TMEM232: variants seen among roughly 807,000 people sequenced by gnomAD.
TMEM232 encodes transmembrane protein 232.
TMEM232 carries 80 observed loss-of-function variants against 78.8 expected under a neutral mutation model. The observed-to-expected ratio is 1.01, with a 90% confidence interval of 0.85 to 1.22. The LOEUF is 1.22. Among genes scored for constraint, TMEM232 ranks in the 50% most tolerant of loss-of-function variants. The pLI, the probability that TMEM232 is intolerant of heterozygous loss-of-function variation, is 0.00. For missense variants in TMEM232, 881 were observed against 742.2 expected (o/e 1.19, Z -2.17); for synonymous variants, 297 against 254.3 (o/e 1.17, Z -1.60).
intron 1 of TMEM232, among the ~76,000 whole-genome samples, chr5:110,698,709 G>C (rs1345016643): frequency 6.6e-6 from 1 of 152,018 alleles, no homozygotes; most frequent in East Asian, 1.9e-4. Flanking sequence ...AAGAGGAGTA[G>C]TACATCATGT....
intron 11 of TMEM232, among the ~76,000 whole-genome samples, chr5:110,540,641 G>C (rs1256176139): frequency 6.6e-6 from 1 of 152,192 alleles, no homozygotes; most frequent in South Asian, 2.1e-4. Context: ...CAAATAGGGA[G>C]CACTGGAGCT....
intron 10 of TMEM232, among the ~76,000 whole-genome samples, chr5:110,576,605 G>A (rs2149711156): frequency 6.6e-6 from 1 of 152,102 alleles, no homozygotes. Context: ...GAACAAAGCT[G>A]GAGGCATTAA....
At chr5:110,598,464 G>T (rs572325208) in intron 10 of TMEM232, among the ~76,000 whole-genome samples, 1 of 152,116 alleles carries the variant, frequency 6.6e-6, no homozygotes, top group Admixed American at 6.5e-5. Context: ...GATTCCTCAG[G>T]GATCTAGAAC....
intron 2 of TMEM232, among the ~76,000 whole-genome samples, chr5:110,405,910 C>T (rs1283401354): frequency 6.6e-6 from 1 of 151,780 alleles, no homozygotes; most frequent in African/African-American, 2.4e-5. Flanking sequence ...ATTATCAATA[C>T]ATTGATCCAA....
At chr5:110,730,437 G>T (rs1426324765), upstream of TMEM232, among the ~76,000 whole-genome samples, 3 of 152,108 alleles carry the variant, frequency 2.0e-5, no homozygotes, top group African/African-American at 7.2e-5. Context: ...TTTTGCCATG[G>T]AGTGTATAAC....
chr5:110,524,376 AAAG>A (rs1241347519), intron 12 of TMEM232, among the ~76,000 whole-genome samples: 20 of 61,476 alleles, frequency 3.3e-4, no homozygotes, highest in Admixed American at 4.9e-4. Context: ...AGAAAGAAAG[AAAG>A]AAAGAAAGAA....
chr5:110,542,127 C>T lies in TMEM232; in HGVS notation c.1456-13292G>A, dbSNP rs189248158. Among the ~76,000 whole-genome samples the T allele has an allele frequency of 1.1e-3, 175 of 152,270 alleles. 1 individual carries two copies. Among genetic ancestry groups the T allele is most frequent in the African/African-American group, 3.9e-3 (162 of 41,570 alleles). ...TCCCATCAGCCACTACACCTGTGAA[C>T]TTGTGAAAGACCCGAAGTTCCTGTT... On this transcript the variant is annotated intron_variant, in intron 11 of 13. Coordinates refer to ENST00000455884, the MANE Select transcript of TMEM232 (RefSeq NM_001039763.4).
rs559446152 is a variant in TMEM232, at chr5:110,734,511, T to A, written c.-13+392A>T. Among the ~76,000 whole-genome samples the A allele has an allele frequency of 2.6e-5, 4 of 152,346 alleles. No individual in the cohort carries two copies. In the South Asian group the frequency reaches 8.3e-4, roughly 32 times the overall value. On this transcript the variant is annotated intron_variant, in intron 2 of 4. Coordinates refer to the TMEM232 transcript ENST00000512886. ...GGTATGGACATACAGTATAATACTA[T>A]GGTAGAGGGATGAAAAATTAAGTCC...
At chr5:110,728,966 C>A (rs191902808), upstream of TMEM232, among the ~76,000 whole-genome samples, 533 of 151,774 alleles carry the variant, frequency 3.5e-3, 1 homozygote, top group African/African-American at 0.012. Flanking sequence ...CTCATTGCAA[C>A]CTCCACCTCC....
chr5:110,439,663 C>T (rs551487076), intron 12 of TMEM232, among the ~76,000 whole-genome samples: 3 of 152,098 alleles, frequency 2.0e-5, no homozygotes, highest in South Asian at 2.1e-4. Flanking sequence ...TTTCAGGTGT[C>T]GCTTTCAGAT....
upstream of TMEM232, among the ~76,000 whole-genome samples, chr5:110,731,614 G>A (rs1481323796): frequency 6.7e-6 from 1 of 150,256 alleles, no homozygotes; most frequent in African/African-American, 2.5e-5. Context: ...TGAAGCCACA[G>A]CCCAAGCTCT....
At chr5:110,407,622 C>T (rs550336560) in intron 2 of TMEM232, among the ~76,000 whole-genome samples, 49 of 152,198 alleles carry the variant, frequency 3.2e-4, no homozygotes, top group Non-Finnish European at 5.9e-4. Flanking sequence ...GGCAGATCAT[C>T]CAGACAGATA....
chr5:110,472,644 G>C (rs1271622582), intron 12 of TMEM232, among the ~76,000 whole-genome samples: 1 of 151,836 alleles, frequency 6.6e-6, no homozygotes, highest in Non-Finnish European at 1.5e-5. Flanking sequence ...CAACACAGCT[G>C]AAGGCATCTC....
At chr5:110,542,699 G>C (rs1355787088) in intron 11 of TMEM232, among the ~76,000 whole-genome samples, 1 of 152,072 alleles carries the variant, frequency 6.6e-6, no homozygotes, top group African/African-American at 2.4e-5. Context: ...GGGAACCTAA[G>C]GCCAATTCAC....
intron 12 of TMEM232, among the ~76,000 whole-genome samples, chr5:110,484,450 A>G (rs1764246194): frequency 6.6e-6 from 1 of 152,190 alleles, no homozygotes; most frequent in East Asian, 1.9e-4. Flanking sequence ...AAAAAAATGA[A>G]AAATGGCAGA....
intron 1 of TMEM232, among the ~76,000 whole-genome samples, chr5:110,698,059 T>C (rs1489347985): frequency 6.6e-6 from 1 of 152,126 alleles, no homozygotes; most frequent in East Asian, 1.9e-4. Flanking sequence ...AATGATAGAC[T>C]GGATTAAGAA....
At chr5:110,429,912 C>A (rs1330001666) in intron 12 of TMEM232, 1 of 151,734 alleles carries the variant, frequency 6.6e-6, no homozygotes, top group Non-Finnish European at 1.5e-5. Flanking sequence ...GCTACCATAA[C>A]CTTTTCTTTA....
At chr5:110,705,392 A>T (rs1231814832) in intron 1 of TMEM232, among the ~76,000 whole-genome samples, 1 of 152,100 alleles carries the variant, frequency 6.6e-6, no homozygotes, top group Non-Finnish European at 1.5e-5. Flanking sequence ...AAATAGAAGG[A>T]ATACTCTTTC....
chr5:110,490,121 A>AAAAGAAAGAAAGAAAGAAAG (rs201189138), intron 12 of TMEM232, among the ~76,000 whole-genome samples: 246 of 110,538 alleles, frequency 2.2e-3, no homozygotes, highest in East Asian at 7.7e-3. Context: ...CTCCGTTTCA[A>AAAAGAAAGAAAGAAAGAAAG]AAAGAAAGAA....
Sources: gnomAD v4.1 joint callset for allele counts (sites outside exome capture counted in the v4.1 genomes callset) on GRCh38, gnomAD v4.1.1 for gene constraint, MANE v1.5 for transcripts, NCBI Gene and HGNC (gene_info 2026-07-23, HGNC 2026-07-21) for gene names.